ABCA13: variants seen among roughly 807,000 people sequenced by gnomAD.
The protein encoded by ABCA13 is ATP binding cassette subfamily A member 13, also known as ATP-binding cassette sub-family A member 13.
A neutral mutation model predicts 478.7 loss-of-function variants in ABCA13; 476 were observed. The ratio of observed to expected loss-of-function variants is 0.99; its 90% CI spans 0.92 to 1.07. ABCA13 has a LOEUF of 1.07. Ranked by LOEUF, ABCA13 falls within the 50% of genes least tolerant of loss-of-function variation. The pLI, the probability that ABCA13 is intolerant of heterozygous loss-of-function variation, is 0.00. For missense variants in ABCA13, 6,060 were observed against 5,910.6 expected, an observed-to-expected ratio of 1.03 and a Z score of -0.83; for synonymous variants, 2,252 against 2,158.9, an observed-to-expected ratio of 1.04 and a Z score of -1.20.
chr7:48,269,195 T>C, intron 16 of ABCA13, 101 bp downstream of exon 16: 1 of 649,116 alleles, frequency 1.5e-6, no homozygotes, highest in Non-Finnish European at 2.7e-6. Context: ...TTTATGAGCC[T>C]GATTTAGATA....
At chr7:48,435,563 T>C (rs139997633) in intron 42 of ABCA13, among the ~76,000 whole-genome samples, 2,193 of 151,892 alleles carry the variant, frequency 0.014, 48 homozygotes, top group African/African-American at 0.05. Flanking sequence ...TGAATAGAAG[T>C]GGTGAAAGTG....
chr7:48,565,426 T>TAAA (rs1197071286), intron 55 of ABCA13, among the ~76,000 whole-genome samples: 1 of 152,142 alleles, frequency 6.6e-6, no homozygotes, highest in African/African-American at 2.4e-5. Flanking sequence ...AATGAATGAC[T>TAAA]GTTTTCTCTT....
chr7:48,463,772 A>AGAATG (rs1563299994), intron 43 of ABCA13, among the ~76,000 whole-genome samples: 1 of 145,740 alleles, frequency 6.9e-6, no homozygotes, highest in Non-Finnish European at 1.5e-5. Flanking sequence ...GGAAGGGAAA[A>AGAATG]GAACGGAATG....
At chr7:48,280,894 G>A (rs1346551097) in intron 18 of ABCA13, among the ~76,000 whole-genome samples, 8 of 152,122 alleles carry the variant, frequency 5.3e-5, no homozygotes, top group Admixed American at 5.2e-4. Flanking sequence ...ACTATATTTT[G>A]TTTGACTTTA....
At chr7:48,417,617 C>T (rs1820202445) in intron 41 of ABCA13, among the ~76,000 whole-genome samples, 1 of 152,198 alleles carries the variant, frequency 6.6e-6, no homozygotes, top group Non-Finnish European at 1.5e-5. Flanking sequence ...CCCTTGCCCC[C>T]AGCCTCCTCC....
chr7:48,637,672 CAAT>C (rs1794783527), intron 59 of ABCA13, among the ~76,000 whole-genome samples: 1 of 151,898 alleles, frequency 6.6e-6, no homozygotes, highest in African/African-American at 2.4e-5. Flanking sequence ...TAGCTGGTGA[CAAT>C]GATATAATGC....
intron 58 of ABCA13, chr7:48,603,905 G>A (rs1791179451): frequency 6.6e-6 from 1 of 152,156 alleles, no homozygotes; most frequent in Non-Finnish European, 1.5e-5. Context: ...CTCAATTTCA[G>A]AATTTGTTAT....
intron 3 of ABCA13, among the ~76,000 whole-genome samples, chr7:48,211,916 T>C (rs750910579): frequency 2.0e-5 from 3 of 151,836 alleles, no homozygotes; most frequent in Non-Finnish European, 4.4e-5. Flanking sequence ...TGCCTGGAGT[T>C]GGTGGAGGGT....
At chr7:48,325,313 A>G (rs1584853175) in intron 27 of ABCA13, among the ~76,000 whole-genome samples, 2 of 152,096 alleles carry the variant, frequency 1.3e-5, no homozygotes, top group South Asian at 4.1e-4. Context: ...GGTGGCTATG[A>G]CCACCCTGTG....
intron 48 of ABCA13, among the ~76,000 whole-genome samples, chr7:48,501,488 T>C (rs566712132): frequency 2.0e-5 from 3 of 152,196 alleles, no homozygotes; most frequent in South Asian, 4.1e-4. Flanking sequence ...ATGACAATCA[T>C]GTAAATTATA....
At chr7:48,390,079 TA>T (rs1424201487) in intron 37 of ABCA13, among the ~76,000 whole-genome samples, 1 of 152,206 alleles carries the variant, frequency 6.6e-6, no homozygotes, top group Non-Finnish European at 1.5e-5. Context: ...GTGTTTTTTT[TA>T]GTGTTTGAAA....
intron 58 of ABCA13, among the ~76,000 whole-genome samples, chr7:48,601,705 T>C (rs1345187579): frequency 2.0e-5 from 3 of 152,198 alleles, no homozygotes; most frequent in African/African-American, 4.8e-5. Flanking sequence ...GTCATCATAG[T>C]AGAATAATCT....
At position 48,471,592 on chromosome 7, in the gene ABCA13, G is replaced by A; in HGVS notation, c.12968G>A (p.Gly4323Asp). The A allele has an allele frequency of 6.4e-7, 1 of 1,562,464 alleles. No individual in the cohort carries two copies. The highest frequency in any genetic ancestry group is 8.7e-7 in the Non-Finnish European group (1 of 1,151,548). Reference sequence around the variant, plus strand: ...CACCCAGAATTCCAGGATTCATGTGGCTGCCTGGTAGGTTTCTGCAGCATT... The same window carrying A: ...CACCCAGAATTCCAGGATTCATGTGACTGCCTGGTAGGTTTCTGCAGCATT... ...FSHPEFQDSC[G>D]CLKCPNRSAS... The change falls in exon 45 of 62, where the codon GGC becomes GAC. Residue 4323 changes from glycine to aspartate, a missense_variant. Gly to Asp is a moderately conservative substitution (Grantham distance 94). Transcript: ENST00000435803.
intron 8 of ABCA13, among the ~76,000 whole-genome samples, chr7:48,237,289 A>G (rs1007812336): frequency 5.3e-5 from 8 of 151,978 alleles, no homozygotes; most frequent in African/African-American, 1.9e-4. Context: ...ATTTAGCTAC[A>G]CCTACATTTT....
At chr7:48,446,926 T>G (rs1033666090) in intron 42 of ABCA13, among the ~76,000 whole-genome samples, 1 of 152,112 alleles carries the variant, frequency 6.6e-6, no homozygotes, top group Admixed American at 6.5e-5. Context: ...TAAAATGGAA[T>G]TGAAATAGAT....
chr7:48,622,826 C>A (rs1420451177), intron 59 of ABCA13, among the ~76,000 whole-genome samples: 1 of 152,120 alleles, frequency 6.6e-6, no homozygotes, highest in Non-Finnish European at 1.5e-5. Flanking sequence ...GTTATTATTA[C>A]CCTTCATCTT....
At chr7:48,533,058 G>A (rs1833344723) in intron 55 of ABCA13, among the ~76,000 whole-genome samples, 1 of 151,814 alleles carries the variant, frequency 6.6e-6, no homozygotes, top group Non-Finnish European at 1.5e-5. Context: ...AGTTTGGTTT[G>A]TTTCTCTAAG....
At chr7:48,642,880 T>C (rs994925920) in intron 59 of ABCA13, among the ~76,000 whole-genome samples, 1 of 152,198 alleles carries the variant, frequency 6.6e-6, no homozygotes, top group African/African-American at 2.4e-5. Context: ...GCAATCCCTT[T>C]CATCTTTTCC....
chr7:48,305,513 C>G (rs1379020907), intron 23 of ABCA13, among the ~76,000 whole-genome samples: 2 of 152,208 alleles, frequency 1.3e-5, no homozygotes, highest in Non-Finnish European at 2.9e-5. Context: ...GGCAGACTCT[C>G]TCTCCCCATC....
Sources: gnomAD v4.1 joint callset for allele counts (sites outside exome capture counted in the v4.1 genomes callset) on GRCh38, gnomAD v4.1.1 for gene constraint, MANE v1.5 for transcripts, NCBI Gene and HGNC (gene_info 2026-07-23, HGNC 2026-07-21) for gene names.